The following STPG2 variants were observed in gnomAD, a reference collection of about 807,000 sequenced individuals.
STPG2 encodes sperm tail PG-rich repeat containing 2, also known as sperm-tail PG-rich repeat-containing protein 2.
Under a neutral mutation model 54.2 loss-of-function variants are expected in STPG2, and 56 were observed. That is an observed-to-expected ratio of 1.03 (90% CI 0.83 to 1.29). STPG2 has a LOEUF of 1.29. Ranked by LOEUF, STPG2 falls within the 50% of genes most tolerant of loss-of-function variation. The pLI, the probability that STPG2 is intolerant of heterozygous loss-of-function variation, is 0.00. For missense variants in STPG2, 596 were observed against 544.9 expected (o/e 1.09, Z -0.93); for synonymous variants, 200 against 181.8 (o/e 1.10, Z -0.81).
intron 7 of STPG2, among the ~76,000 whole-genome samples, chr4:97,947,470 C>T (rs987259876): frequency 6.6e-6 from 1 of 151,998 alleles, no homozygotes; most frequent in Non-Finnish European, 1.5e-5. Context: ...AAGTGGGGAT[C>T]TTCATCTTGT....
chr4:97,749,621 C>A (rs1320259834), intron 9 of STPG2, among the ~76,000 whole-genome samples: 1 of 151,580 alleles, frequency 6.6e-6, no homozygotes, highest in African/African-American at 2.4e-5. Context: ...TCAGTTGACC[C>A]GGAACAATGC....
At position 97,706,342 on chromosome 4, in the gene STPG2, T is replaced by C. The variant is rs528306618; in HGVS notation, c.1320+6357A>G. On this transcript the variant is annotated intron_variant, in intron 10 of 10. Coordinates refer to ENST00000295268, the MANE Select transcript of STPG2 (RefSeq NM_174952.3). ...GTTGAAATAGTAACCCCTAGTGTGA[T>C]AGTATTAGAAAGTTGGCATTTGTAG... Among the ~76,000 whole-genome samples, 7 of 152,258 alleles carry C rather than the reference T, an allele frequency of 4.6e-5. No homozygotes were observed. In the South Asian group the frequency reaches 8.3e-4, roughly 18 times the overall value.
intron 10 of STPG2, among the ~76,000 whole-genome samples, chr4:97,573,893 C>G (rs541381513): frequency 2.6e-5 from 4 of 152,118 alleles, no homozygotes; most frequent in African/African-American, 9.6e-5. Flanking sequence ...AGCCAGTGCC[C>G]TTATACAAAG....
intron 8 of STPG2, among the ~76,000 whole-genome samples, chr4:97,942,300 T>C (rs968045645): frequency 1.3e-5 from 2 of 152,068 alleles, no homozygotes; most frequent in South Asian, 2.1e-4. Flanking sequence ...AAAAGCATTA[T>C]ATTAGTAATA....
intron 9 of STPG2, among the ~76,000 whole-genome samples, chr4:97,767,797 A>G (rs1475349567): frequency 1.3e-5 from 2 of 152,168 alleles, no homozygotes; most frequent in Admixed American, 1.3e-4. Context: ...CATTTTTGAG[A>G]AAACAAAAAT....
chr4:97,899,130 G>T (rs1423973145), intron 8 of STPG2, among the ~76,000 whole-genome samples: 4 of 151,708 alleles, frequency 2.6e-5, no homozygotes, highest in South Asian at 2.1e-4. Context: ...AAACTTTCAG[G>T]ATATGAAATC....
At chr4:97,447,991 C>T (rs1198909472) in intron 4 of STPG2, among the ~76,000 whole-genome samples, 2 of 152,166 alleles carry the variant, frequency 1.3e-5, no homozygotes, top group East Asian at 1.9e-4. Flanking sequence ...TGGGAGCCCC[C>T]TCCCCATTTC....
intron 8 of STPG2, among the ~76,000 whole-genome samples, chr4:97,891,080 GAGAAC>G (rs1000036110): frequency 2.0e-5 from 3 of 151,896 alleles, no homozygotes; most frequent in African/African-American, 7.2e-5. Flanking sequence ...AAAGTCAAGG[GAGAAC>G]AGAACAGGGG....
chr4:97,979,323 C>G lies in STPG2; in HGVS notation c.772+1836G>C, dbSNP rs115775317. ...AAACAACCACAGAAAATCATTCCCC[C>G]CAGAGAGCCTTACTGGATCCTCATC... On this transcript the variant is annotated intron_variant, in intron 6 of 10. Transcript: ENST00000295268. Among the ~76,000 whole-genome samples, 440 of 152,202 alleles carry G rather than the reference C, an allele frequency of 2.9e-3. 3 individuals are homozygous for G. The highest frequency in any genetic ancestry group is 1.0e-2 in the African/African-American group (415 of 41,542).
chr4:97,902,959 T>C (rs1731235187), intron 8 of STPG2, among the ~76,000 whole-genome samples: 2 of 152,110 alleles, frequency 1.3e-5, no homozygotes, highest in Non-Finnish European at 2.9e-5. Flanking sequence ...GAATGAATAT[T>C]ATTCAGCCTT....
intron 4 of STPG2, among the ~76,000 whole-genome samples, chr4:97,465,760 C>G (rs140578200): frequency 2.3e-3 from 357 of 151,918 alleles, no homozygotes; most frequent in African/African-American, 8.5e-3. Flanking sequence ...AGTCATTATA[C>G]TGTATATTTT....
intron 5 of STPG2, among the ~76,000 whole-genome samples, chr4:98,076,313 A>G (rs1738166848): frequency 6.8e-6 from 1 of 146,702 alleles, no homozygotes; most frequent in South Asian, 2.2e-4. Flanking sequence ...AAACTGAAAG[A>G]ACTAAAAATC....
At chr4:97,458,503 A>G (rs1047730715) in intron 4 of STPG2, among the ~76,000 whole-genome samples, 2 of 152,164 alleles carry the variant, frequency 1.3e-5, no homozygotes, top group Admixed American at 6.5e-5. Context: ...TGAAATTATA[A>G]ATATATAGTA....
intron 5 of STPG2, among the ~76,000 whole-genome samples, chr4:98,070,492 G>T (rs192226535): frequency 4.6e-5 from 7 of 151,896 alleles, no homozygotes; most frequent in Non-Finnish European, 1.0e-4. Flanking sequence ...CTCCTATTCA[G>T]CATAGTATTA....
At chr4:97,735,247 T>A (rs1724941566) in intron 9 of STPG2, among the ~76,000 whole-genome samples, 1 of 151,692 alleles carries the variant, frequency 6.6e-6, no homozygotes, top group Admixed American at 6.6e-5. Context: ...TATACAGATA[T>A]AATAGGTGTG....
chr4:97,662,923 C>T (rs1025928898), intron 10 of STPG2, among the ~76,000 whole-genome samples: 7 of 151,816 alleles, frequency 4.6e-5, no homozygotes, highest in Non-Finnish European at 7.4e-5. Context: ...ACATGTACCC[C>T]GAATATAAAA....
At chr4:97,876,342 C>T (rs1730169932) in intron 8 of STPG2, among the ~76,000 whole-genome samples, 1 of 151,930 alleles carries the variant, frequency 6.6e-6, no homozygotes, top group Non-Finnish European at 1.5e-5. Context: ...AGGTCTTAAA[C>T]CCTAGTGGAA....
Position 97,781,818 on chromosome 4 carries a change from C to A in STPG2, c.1204+58955G>T, listed in dbSNP as rs552403863. 3.6e-3 allele frequency among the ~76,000 whole-genome samples: 553 copies of A among 152,014 alleles called. 2 individuals carry two copies. Among genetic ancestry groups the A allele is most frequent in the Middle Eastern group, 0.01 (3 of 294 alleles). On this transcript the variant is annotated intron_variant, in intron 9 of 10. Transcript: ENST00000295268. Reference sequence around the variant, plus strand: ...AACGTAATCCAGCATATAAACAGAACCAAAGAAAAAAACCACAGGATTATC... The same window carrying A: ...AACGTAATCCAGCATATAAACAGAAACAAAGAAAAAAACCACAGGATTATC...
At chr4:97,872,818 C>T (rs753937269) in intron 8 of STPG2, among the ~76,000 whole-genome samples, 2 of 151,124 alleles carry the variant, frequency 1.3e-5, no homozygotes, top group Non-Finnish European at 3.0e-5. Flanking sequence ...CAAATTACCC[C>T]AGATATAGTC....
Sources: allele counts gnomAD v4.1 joint callset (sites outside exome capture counted in the v4.1 genomes callset), GRCh38; gene constraint gnomAD v4.1.1; transcripts MANE v1.5; gene names NCBI Gene and HGNC (gene_info 2026-07-23, HGNC 2026-07-21).